The following IDH2 variants were observed in gnomAD, a reference collection of about 807,000 sequenced individuals.
IDH2 encodes the protein isocitrate dehydrogenase (NADP(+)) 2, also known as isocitrate dehydrogenase [NADP], mitochondrial.
Under a neutral mutation model 50.5 loss-of-function variants are expected in IDH2, and 18 were observed. That is an observed-to-expected ratio of 0.36 (90% CI 0.25 to 0.53). The LOEUF is 0.53. Ranked by LOEUF, IDH2 falls within the 20% of genes least tolerant of loss-of-function variation. IDH2 has a pLI of 0.92. For synonymous variants in IDH2, 280 were observed against 239.8 expected, an observed-to-expected ratio of 1.17 and a Z score of -1.55; for missense variants, 518 against 610.7, an observed-to-expected ratio of 0.85 and a Z score of 1.60.
At chr15:90,095,743 C>T (rs1469567386) in intron 1 of IDH2, among the ~76,000 whole-genome samples, 1 of 152,162 alleles carries the variant, frequency 6.6e-6, no homozygotes, top group East Asian at 1.9e-4. Flanking sequence ...ACAGTGCCTG[C>T]CCGGAGGCAG....
At chr15:90,089,488 C>T (rs7177165) in intron 3 of IDH2, among the ~76,000 whole-genome samples, 49,042 of 151,934 alleles carry the variant, frequency 0.32, 8,364 homozygotes, top group African/African-American at 0.44. Context: ...CTGGCCCCAA[C>T]GCCACCCCAG....
At chr15:90,096,117 T>G (rs1327704887) in intron 1 of IDH2, among the ~76,000 whole-genome samples, 2 of 151,920 alleles carry the variant, frequency 1.3e-5, no homozygotes, top group Non-Finnish European at 2.9e-5. Flanking sequence ...GCCACAATGG[T>G]GAAACTCTGT....
chr15:90,094,906 AAAC>A (rs1043900335), intron 1 of IDH2, among the ~76,000 whole-genome samples: 6 of 54,918 alleles, frequency 1.1e-4, no homozygotes, highest in Admixed American at 3.1e-4. Flanking sequence ...CATCTCAAAA[AAAC>A]AAACAAACAA....
chr15:90,087,094 A>T lies in IDH2; in HGVS notation c.967+18T>A, dbSNP rs772421080. ...CCAACAGTCCACCCCCACAGGGAGC[A>T]GCGTCCTCCCAGCGTACCCTGGGCC... On this transcript the variant is annotated intron_variant, in intron 7 of 10. Transcript: ENST00000330062. 1 of 1,613,558 alleles carries T rather than the reference A, an allele frequency of 6.2e-7. No individual in the cohort carries two copies. Among genetic ancestry groups the T allele is most frequent in the South Asian group, 1.1e-5 (1 of 91,070 alleles).
chr15:90,101,300 A>C (rs1901324457), intron 1 of IDH2, among the ~76,000 whole-genome samples: 1 of 152,116 alleles, frequency 6.6e-6, no homozygotes, highest in Non-Finnish European at 1.5e-5. Context: ...TCCTGGCCAG[A>C]TTAGGATAGG....
intron 7 of IDH2, among the ~76,000 whole-genome samples, chr15:90,086,647 C>A (rs1900866810): frequency 6.6e-6 from 1 of 152,080 alleles, no homozygotes; most frequent in Non-Finnish European, 1.5e-5. Flanking sequence ...GACCTCATCA[C>A]CTATACTTTT....
At chr15:90,090,384 G>T in intron 3 of IDH2, 95 bp downstream of exon 3, 1 of 1,359,220 alleles carries the variant, frequency 7.4e-7, no homozygotes, top group Non-Finnish European at 1.0e-6. Context: ...GTCCCGAGAT[G>T]AGTGACATGG....
intron 3 of IDH2, among the ~76,000 whole-genome samples, chr15:90,089,713 C>G (rs1013767750): frequency 6.6e-6 from 1 of 152,214 alleles, no homozygotes; most frequent in African/African-American, 2.4e-5. Flanking sequence ...AGAGAGAGCT[C>G]AGAAAACTCC....
Position 90,102,270 on chromosome 15 carries a change from A to G in IDH2, c.115+6T>C. 1 of 1,231,258 alleles carries G rather than the reference A, an allele frequency of 8.1e-7. No homozygotes were observed. The highest frequency in any genetic ancestry group is 1.0e-6 in the Non-Finnish European group (1 of 969,392). The allele number at this position is 1,231,258 out of a possible 1,614,324, so 76.3% of individuals were successfully genotyped here. On this transcript the variant is annotated splice_donor_region_variant and intron_variant, in intron 1 of 10. Transcript: ENST00000330062. ...CGCCTGCCTGGACCCTCCGCGCGGC[A>G]CTCACAGTGGCGCCGCGGCTGCTCT...
intron 1 of IDH2, among the ~76,000 whole-genome samples, chr15:90,101,665 C>T (rs1391976986): frequency 7.6e-6 from 1 of 131,406 alleles, no homozygotes; most frequent in Non-Finnish European, 1.6e-5. Flanking sequence ...TCAAGTGCAG[C>T]GATGAAGGCG....
At position 90,087,480 on chromosome 15, in the gene IDH2, G is replaced by A. The variant is rs1179200434; in HGVS notation, c.774C>T (p.Tyr258=). The A allele has an allele frequency of 3.7e-6, 6 of 1,614,032 alleles. No homozygotes were observed. Among genetic ancestry groups the A allele is most frequent in the Middle Eastern group, 1.6e-4 (1 of 6,072 alleles). The change falls in exon 6 of 11, where the codon TAC becomes TAT. Residue 258 remains tyrosine (Y), a synonymous_variant. Coordinates refer to ENST00000330062, the MANE Select transcript of IDH2 (RefSeq NM_002168.4). The stretch of plus-strand genomic sequence containing the variant: ...GGAAGATGTCCTTGAAACGCCCATC[G>A]TAGGCTTTCAGTATGGTGTTCTTGG... ...MSTKNTILKA[Y]DGRFKDIFQE...
intron 3 of IDH2, among the ~76,000 whole-genome samples, chr15:90,089,976 C>T (rs539589373): frequency 9.5e-4 from 141 of 149,122 alleles, no homozygotes; most frequent in Non-Finnish European, 1.1e-3. Context: ...GCCTTACACA[C>T]AGCACTCCTC....
At chr15:90,101,032 A>G (rs1901316864) in intron 1 of IDH2, among the ~76,000 whole-genome samples, 1 of 151,396 alleles carries the variant, frequency 6.6e-6, no homozygotes. Context: ...GGTGTGCTAT[A>G]TGGGAATCTT....
Position 90,084,371 on chromosome 15 carries a change from C to G in IDH2, c.1272-18G>C, listed in dbSNP as rs1225417866. On this transcript the variant is annotated intron_variant, in intron 10 of 10. Coordinates refer to ENST00000330062, the MANE Select transcript of IDH2 (RefSeq NM_002168.4). The surrounding 1 kb of genome is among the most constrained non-coding windows in gnomAD (Gnocchi z 5.0). Reference sequence around the variant, plus strand: ...GCTTCACACTGCAGAGAGAGCACCACTCACATCAGGGGTGGCTCCAGGCCT... The same window carrying G: ...GCTTCACACTGCAGAGAGAGCACCAGTCACATCAGGGGTGGCTCCAGGCCT... The G allele has an allele frequency of 2.5e-6, 4 of 1,610,396 alleles. No homozygotes were observed. The highest frequency in any genetic ancestry group is 2.5e-6 in the Non-Finnish European group (3 of 1,177,850).
chr15:90,096,407 T>C (rs1901181433), intron 1 of IDH2, among the ~76,000 whole-genome samples: 1 of 151,964 alleles, frequency 6.6e-6, no homozygotes, highest in Non-Finnish European at 1.5e-5. Flanking sequence ...ACATCACTAA[T>C]CATCAGGGAA....
intron 2 of IDH2, among the ~76,000 whole-genome samples, 176 bp downstream of exon 2, chr15:90,091,377 A>G (rs1239170841): frequency 6.6e-6 from 1 of 152,200 alleles, no homozygotes; most frequent in African/African-American, 2.4e-5. Context: ...CGACTTCTGA[A>G]CAATTAGTGG....
chr15:90,089,487 A>G (rs1336989252), intron 3 of IDH2, among the ~76,000 whole-genome samples: 3 of 152,130 alleles, frequency 2.0e-5, no homozygotes, highest in Admixed American at 6.5e-5. Flanking sequence ...CCTGGCCCCA[A>G]CGCCACCCCA....
At chr15:90,093,344 T>A (rs1901094322) in intron 1 of IDH2, among the ~76,000 whole-genome samples, 1 of 152,224 alleles carries the variant, frequency 6.6e-6, no homozygotes, top group African/African-American at 2.4e-5. Context: ...AAGACTTAGT[T>A]CTTTATAGTT....
At chr15:90,096,889 G>A (rs1901196904) in intron 1 of IDH2, among the ~76,000 whole-genome samples, 1 of 151,984 alleles carries the variant, frequency 6.6e-6, no homozygotes, top group Non-Finnish European at 1.5e-5. Context: ...ACTCCAGCAT[G>A]GGCGAAAGAG....
Sources: gnomAD v4.1 joint callset for allele counts (sites outside exome capture counted in the v4.1 genomes callset) on GRCh38, gnomAD v4.1.1 for gene constraint, Gnocchi (gnomAD v3.1) non-coding constraint, MANE v1.5 for transcripts, NCBI Gene and HGNC (gene_info 2026-07-23, HGNC 2026-07-21) for gene names.